Variants in SPAG16 observed in about 807,000 individuals in gnomAD.
SPAG16 encodes sperm associated antigen 16, also known as sperm-associated antigen 16 protein.
In SPAG16, 86 loss-of-function variants were observed where a neutral mutation model predicts 80.4. The ratio of observed to expected loss-of-function variants is 1.07; its 90% CI spans 0.90 to 1.28. The LOEUF (loss-of-function observed/expected upper bound fraction) is 1.28. Among genes scored for constraint, SPAG16 ranks in the 50% most tolerant of loss-of-function variants. The pLI is 0.00. For synonymous variants in SPAG16, 294 were observed against 265.9 expected (o/e 1.11, Z -1.03); for missense variants, 870 against 765.3 (o/e 1.14, Z -1.61).
In SPAG16 at chr2:213,830,025, G is replaced by A. The variant is rs547304511; in HGVS notation, c.1071-32460G>A. On this transcript the variant is annotated intron_variant, in intron 10 of 15. Coordinates refer to ENST00000331683, the MANE Select transcript of SPAG16 (RefSeq NM_024532.5). ...CCACCATGGCTTGTGTCTTTACTAG[G>A]TCACACGACCCCAAGTCCACTGGCT... Among the ~76,000 whole-genome samples the A allele has an allele frequency of 2.6e-5, 4 of 152,192 alleles. No individual in the cohort carries two copies. In the East Asian group the frequency reaches 5.8e-4, roughly 22 times the overall value.
intron 10 of SPAG16, among the ~76,000 whole-genome samples, chr2:213,786,131 A>C (rs555554941): frequency 6.6e-6 from 1 of 152,246 alleles, no homozygotes; most frequent in South Asian, 2.1e-4. Context: ...TATTTACTCT[A>C]TTTCTCTGAC....
At chr2:214,012,284 A>ATTTTTTTTTTTTTTT (rs1483720818) in intron 12 of SPAG16, among the ~76,000 whole-genome samples, 3 of 54,594 alleles carry the variant, frequency 5.5e-5, no homozygotes, top group African/African-American at 1.1e-4. Context: ...ATATATATAT[A>ATTTTTTTTTTTTTTT]TATATTTTTT....
At chr2:213,761,821 G>A (rs1206579524) in intron 10 of SPAG16, among the ~76,000 whole-genome samples, 1 of 152,080 alleles carries the variant, frequency 6.6e-6, no homozygotes, top group Non-Finnish European at 1.5e-5. Context: ...AGCCGAGATC[G>A]TGCCACTGCA....
rs559178108 is a variant in SPAG16, at chr2:213,835,296, C to G, written c.1071-27189C>G. Among the ~76,000 whole-genome samples, 3 of 152,206 alleles carry G rather than the reference C, an allele frequency of 2.0e-5. No homozygotes were observed. In the East Asian group the frequency reaches 5.8e-4, roughly 29 times the overall value. On this transcript the variant is annotated intron_variant, in intron 10 of 15. Transcript: ENST00000331683. ...CCATTTATAGCCTAAATATCATTTTCCTTTTTGAAAAACAGAGTTCCATGT... is the reference window on the plus strand; with the variant it reads ...CCATTTATAGCCTAAATATCATTTTGCTTTTTGAAAAACAGAGTTCCATGT...
At chr2:214,071,511 A>G (rs1410830749) in intron 13 of SPAG16, among the ~76,000 whole-genome samples, 1 of 152,172 alleles carries the variant, frequency 6.6e-6, no homozygotes, top group Non-Finnish European at 1.5e-5. Context: ...AAACAACCAA[A>G]GGAAAACCAT....
At chr2:214,087,595 A>G (rs2051859193) in intron 13 of SPAG16, among the ~76,000 whole-genome samples, 1 of 152,074 alleles carries the variant, frequency 6.6e-6, no homozygotes, top group Non-Finnish European at 1.5e-5. Context: ...GAAGTAATGT[A>G]TGTTGGGAAT....
intron 15 of SPAG16, among the ~76,000 whole-genome samples, chr2:214,171,980 T>C (rs1039468850): frequency 6.6e-6 from 1 of 151,986 alleles, no homozygotes; most frequent in Non-Finnish European, 1.5e-5. Flanking sequence ...GTAATTACTT[T>C]TCTGAGACAA....
chr2:214,399,321 C>T (rs577834059), intron 15 of SPAG16, among the ~76,000 whole-genome samples: 23 of 152,076 alleles, frequency 1.5e-4, no homozygotes, highest in Middle Eastern at 3.4e-3. Context: ...ATTTGCATAT[C>T]TTTTTTTTAC....
At chr2:214,219,406 GAA>G (rs1324000605) in intron 15 of SPAG16, among the ~76,000 whole-genome samples, 2 of 151,878 alleles carry the variant, frequency 1.3e-5, no homozygotes, top group African/African-American at 2.4e-5. Context: ...AAATAGAATA[GAA>G]ACAACTTATC....
chr2:214,390,006 A>G (rs1007577181), intron 15 of SPAG16, among the ~76,000 whole-genome samples: 8 of 152,190 alleles, frequency 5.3e-5, no homozygotes, highest in African/African-American at 1.9e-4. Flanking sequence ...TTATTAACCA[A>G]CGTTTGTACT....
At chr2:213,766,243 C>T (rs944895705) in intron 10 of SPAG16, among the ~76,000 whole-genome samples, 3 of 152,176 alleles carry the variant, frequency 2.0e-5, no homozygotes, top group African/African-American at 7.2e-5. Flanking sequence ...AGGTAAAGAA[C>T]AGGAGAAAGG....
intron 9 of SPAG16, among the ~76,000 whole-genome samples, chr2:213,444,322 C>G (rs752042893): frequency 6.6e-6 from 1 of 152,054 alleles, no homozygotes; most frequent in Non-Finnish European, 1.5e-5. Flanking sequence ...TCAGCTTTTC[C>G]TTCCTTTTTT....
intron 10 of SPAG16, among the ~76,000 whole-genome samples, chr2:213,765,594 C>CGTGTGTGT (rs34788311): frequency 2.8e-4 from 42 of 150,286 alleles, no homozygotes; most frequent in African/African-American, 8.8e-4. Context: ...CACAATGTCA[C>CGTGTGTGT]GTGTGTGTGT....
At chr2:213,851,959 G>A (rs2074932188) in intron 10 of SPAG16, among the ~76,000 whole-genome samples, 1 of 152,158 alleles carries the variant, frequency 6.6e-6, no homozygotes, top group Admixed American at 6.5e-5. Flanking sequence ...AAGTGCTAGG[G>A]AAGTATTAAG....
chr2:214,307,392 G>A (rs569042280), intron 15 of SPAG16, among the ~76,000 whole-genome samples: 2 of 152,098 alleles, frequency 1.3e-5, no homozygotes, highest in East Asian at 3.9e-4. Context: ...ATCTCCTTCA[G>A]TTCAGCTCTG....
intron 10 of SPAG16, among the ~76,000 whole-genome samples, chr2:213,567,128 G>A (rs1244490112): frequency 6.8e-5 from 10 of 146,592 alleles, no homozygotes; most frequent in Non-Finnish European, 1.3e-4. Context: ...AAACTCCAGA[G>A]ACAAAGTTGG....
At chr2:213,716,413 A>G (rs986791804) in intron 10 of SPAG16, among the ~76,000 whole-genome samples, 2 of 152,196 alleles carry the variant, frequency 1.3e-5, no homozygotes, top group African/African-American at 2.4e-5. Context: ...AGAGCTGTCT[A>G]ATTCTAGAGG....
chr2:214,080,047 A>T (rs1376365174), intron 13 of SPAG16, among the ~76,000 whole-genome samples: 2 of 152,168 alleles, frequency 1.3e-5, no homozygotes, highest in Admixed American at 6.5e-5. Flanking sequence ...TAACAGAAAT[A>T]TCTCAGTTTG....
In SPAG16 at chr2:214,105,653, G is replaced by A. The variant is rs2053345043; in HGVS notation, c.1528-2543G>A. Among the ~76,000 whole-genome samples, 3 of 152,054 alleles carry A rather than the reference G, an allele frequency of 2.0e-5. No individual in the cohort carries two copies. The South Asian group carries it at 6.3e-4, about 32-fold the overall frequency. ...GGGTCACATTATTATTATTTTTTTT[G>A]TAAACTCTTCTTTCTTTTTTATTTT... On this transcript the variant is annotated intron_variant, in intron 13 of 15. Transcript: ENST00000331683.
Sources: gnomAD v4.1 joint callset for allele counts (sites outside exome capture counted in the v4.1 genomes callset) on GRCh38, gnomAD v4.1.1 for gene constraint, MANE v1.5 for transcripts, NCBI Gene and HGNC (gene_info 2026-07-23, HGNC 2026-07-21) for gene names.